Variants in ZFHX3 observed in about 807,000 individuals in gnomAD.
ZFHX3 encodes the protein zinc finger homeobox 3.
Under a neutral mutation model 279.1 loss-of-function variants are expected in ZFHX3, and 42 were observed. The ratio of observed to expected loss-of-function variants is 0.15; its 90% CI spans 0.12 to 0.19. The LOEUF (loss-of-function observed/expected upper bound fraction) is 0.19, where lower values mean the gene tolerates loss of function less well. Ranked by LOEUF, ZFHX3 falls within the 10% of genes least tolerant of loss-of-function variation. The probability of loss-of-function intolerance (pLI) is 1.00; values close to 1 mark genes in which losing one functional copy is unlikely to be tolerated. For missense variants in ZFHX3, 4,981 were observed against 4,754.0 expected (o/e 1.05, Z -1.40); for synonymous variants, 2,293 against 1,957.8 (o/e 1.17, Z -4.52).
intron 2 of ZFHX3, among the ~76,000 whole-genome samples, chr16:73,643,927 T>C (rs2142158536): frequency 6.6e-6 from 1 of 152,354 alleles, no homozygotes; most frequent in Non-Finnish European, 1.5e-5. Flanking sequence ...CATCTCCTTC[T>C]AAGTCTTCTA....
chr16:72,940,423 GAGA>G (rs1171227905), intron 3 of ZFHX3, among the ~76,000 whole-genome samples: 1 of 152,144 alleles, frequency 6.6e-6, no homozygotes, highest in Non-Finnish European at 1.5e-5. Flanking sequence ...CCCATGGGAG[GAGA>G]AGAAGTCAGG....
chr16:73,394,796 C>G (rs1467700023), intron 3 of ZFHX3, among the ~76,000 whole-genome samples: 1 of 152,178 alleles, frequency 6.6e-6, no homozygotes, highest in Non-Finnish European at 1.5e-5. Context: ...TTTCAGTGTA[C>G]TTCTATGTGC....
intron 5 of ZFHX3, among the ~76,000 whole-genome samples, chr16:73,162,970 C>T (rs1004651151): frequency 6.6e-6 from 1 of 152,174 alleles, no homozygotes; most frequent in African/African-American, 2.4e-5. Flanking sequence ...GATTCATCCA[C>T]GGAGCTCAGA....
At chr16:72,954,323 C>T (rs1961142648) in intron 2 of ZFHX3, among the ~76,000 whole-genome samples, 1 of 152,154 alleles carries the variant, frequency 6.6e-6, no homozygotes. Context: ...TGAGCCGAGA[C>T]TGCGCTATTG....
At chr16:73,379,488 G>A (rs895765343) in intron 3 of ZFHX3, among the ~76,000 whole-genome samples, 1 of 152,134 alleles carries the variant, frequency 6.6e-6, no homozygotes, top group Non-Finnish European at 1.5e-5. Flanking sequence ...CCATAGGCAG[G>A]CTACCTAACT....
intron 4 of ZFHX3, among the ~76,000 whole-genome samples, chr16:73,294,767 G>T (rs1291244745): frequency 8.7e-5 from 13 of 149,918 alleles, no homozygotes; most frequent in African/African-American, 3.2e-4. Flanking sequence ...AGCCAAGACC[G>T]TACCACTGCA....
At chr16:72,952,605 C>T (rs11861999) in intron 2 of ZFHX3, among the ~76,000 whole-genome samples, 9 of 152,144 alleles carry the variant, frequency 5.9e-5, no homozygotes, top group Admixed American at 4.6e-4. Context: ...GACTGCTGCA[C>T]GTTCAGGAAG....
chr16:73,682,996 AAAG>A (rs1567550840), intron 1 of ZFHX3, among the ~76,000 whole-genome samples: 1 of 37,916 alleles, frequency 2.6e-5, no homozygotes, highest in Non-Finnish European at 7.1e-5. Context: ...GAAAGAAAAG[AAAG>A]AAAGAAAGAA....
chr16:73,191,724 C>T (rs1597212615), intron 5 of ZFHX3, among the ~76,000 whole-genome samples: 2 of 149,984 alleles, frequency 1.3e-5, no homozygotes, highest in South Asian at 4.2e-4. Context: ...AGCTGTATTT[C>T]TTTTTTTTTT....
chr16:73,156,159 G>A (rs958972541), intron 5 of ZFHX3, among the ~76,000 whole-genome samples: 11 of 149,740 alleles, frequency 7.3e-5, no homozygotes, highest in African/African-American at 2.5e-4. Flanking sequence ...GTGAACCCGG[G>A]AGGCAGAGCT....
At chr16:73,247,374 A>T (rs1338201841) in intron 5 of ZFHX3, among the ~76,000 whole-genome samples, 7 of 151,682 alleles carry the variant, frequency 4.6e-5, no homozygotes, top group Non-Finnish European at 8.8e-5. Flanking sequence ...ATGTGCCTGT[A>T]TGTGGAGTAT....
At chr16:73,210,908 A>T (rs936151972) in intron 5 of ZFHX3, among the ~76,000 whole-genome samples, 2 of 152,166 alleles carry the variant, frequency 1.3e-5, no homozygotes, top group Non-Finnish European at 2.9e-5. Context: ...GCAAAACCAT[A>T]GCCTTCCAAT....
intron 1 of ZFHX3, among the ~76,000 whole-genome samples, chr16:73,814,417 G>A (rs1019943114): frequency 6.6e-6 from 1 of 152,000 alleles, no homozygotes; most frequent in Non-Finnish European, 1.5e-5. Context: ...AAATTTAGAG[G>A]AAAAAGTAAT....
chr16:73,848,693 C>T (rs1024416114), intron 1 of ZFHX3, among the ~76,000 whole-genome samples: 1 of 152,194 alleles, frequency 6.6e-6, no homozygotes, highest in Admixed American at 6.5e-5. Flanking sequence ...CTCCTCAATG[C>T]ATTCATTCTG....
intron 1 of ZFHX3, among the ~76,000 whole-genome samples, chr16:73,681,978 A>G (rs949680474): frequency 6.6e-6 from 1 of 152,214 alleles, no homozygotes; most frequent in African/African-American, 2.4e-5. Flanking sequence ...CTATCTAGCT[A>G]TGAGGATCAA....
intron 1 of ZFHX3, among the ~76,000 whole-genome samples, chr16:73,723,653 T>C (rs1166527008): frequency 6.6e-6 from 1 of 152,234 alleles, no homozygotes; most frequent in Non-Finnish European, 1.5e-5. Context: ...TTTTCTTGTA[T>C]TATTTTTGTA....
intron 1 of ZFHX3, among the ~76,000 whole-genome samples, chr16:73,045,971 G>C (rs527694245): frequency 2.0e-5 from 3 of 152,214 alleles, no homozygotes; most frequent in African/African-American, 7.2e-5. Context: ...TTAAATAAAA[G>C]AGCCAACTGT....
chr16:73,498,335 G>A (rs1196228043), intron 2 of ZFHX3, among the ~76,000 whole-genome samples: 1 of 152,206 alleles, frequency 6.6e-6, no homozygotes, highest in Non-Finnish European at 1.5e-5. Flanking sequence ...TTTCTGGAAT[G>A]ACGGACATGT....
chr16:73,821,860 G>C (rs1351350012), intron 1 of ZFHX3, among the ~76,000 whole-genome samples: 1 of 152,182 alleles, frequency 6.6e-6, no homozygotes, highest in Non-Finnish European at 1.5e-5. Flanking sequence ...GCTGACCTTT[G>C]TAAAGGCACC....
Sources: allele counts gnomAD v4.1 joint callset (sites outside exome capture counted in the v4.1 genomes callset), GRCh38; gene constraint gnomAD v4.1.1; transcripts MANE v1.5; gene names NCBI Gene and HGNC (gene_info 2026-07-23, HGNC 2026-07-21).